The following PLEKHA7 variants were observed in gnomAD, a reference collection of about 807,000 sequenced individuals.
The protein encoded by PLEKHA7 is pleckstrin homology domain containing A7, also known as pleckstrin homology domain-containing family A member 7.
Under a neutral mutation model 170.0 loss-of-function variants are expected in PLEKHA7, and 104 were observed. The observed-to-expected ratio is 0.61, with a 90% CI of 0.52 to 0.72. The LOEUF is 0.72. Among genes scored for constraint, PLEKHA7 ranks in the 30% least tolerant of loss-of-function variants. The pLI, the probability that PLEKHA7 is intolerant of heterozygous loss-of-function variation, is 0.00. For synonymous variants in PLEKHA7, 648 were observed against 660.8 expected (o/e 0.98, Z 0.30); for missense variants, 1,615 against 1,671.7 (o/e 0.97, Z 0.59).
At chr11:16,932,817 G>A (rs760423162) in intron 3 of PLEKHA7, among the ~76,000 whole-genome samples, 1 of 152,200 alleles carries the variant, frequency 6.6e-6, no homozygotes, top group Non-Finnish European at 1.5e-5. Context: ...TAAGACCCAG[G>A]GGAAGAGCTG....
At chr11:16,837,902 G>T (rs1851642648) in intron 9 of PLEKHA7, among the ~76,000 whole-genome samples, 1 of 152,176 alleles carries the variant, frequency 6.6e-6, no homozygotes, top group African/African-American at 2.4e-5. Context: ...TGAGCTCCAG[G>T]CCCAACTATC....
chr11:16,969,535 A>G (rs1862583393), intron 3 of PLEKHA7, among the ~76,000 whole-genome samples: 1 of 152,132 alleles, frequency 6.6e-6, no homozygotes, highest in Admixed American at 6.5e-5. Context: ...AATATGATGG[A>G]CATGCATTGC....
intron 3 of PLEKHA7, among the ~76,000 whole-genome samples, chr11:16,925,635 C>T (rs562650487): frequency 4.9e-4 from 74 of 152,304 alleles, no homozygotes; most frequent in African/African-American, 1.8e-3. Context: ...CCCGGGCGGG[C>T]CACCGGTCAG....
intron 9 of PLEKHA7, among the ~76,000 whole-genome samples, chr11:16,839,068 C>T (rs559268569): frequency 1.3e-5 from 2 of 152,258 alleles, no homozygotes; most frequent in Non-Finnish European, 2.9e-5. Flanking sequence ...ATCTGAAAGA[C>T]TCACACATGC....
chr11:16,892,440 T>TGTGTGTGTGTGTGTGTG (rs749414406), intron 3 of PLEKHA7, among the ~76,000 whole-genome samples: 44 of 102,514 alleles, frequency 4.3e-4, no homozygotes, highest in Non-Finnish European at 5.7e-4. Flanking sequence ...GTGTGTTTTG[T>TGTGTGTGTGTGTGTGTG]TTTGTTTTGT....
intron 9 of PLEKHA7, among the ~76,000 whole-genome samples, chr11:16,832,056 A>T (rs1285049479): frequency 6.6e-6 from 1 of 152,184 alleles, no homozygotes; most frequent in Non-Finnish European, 1.5e-5. Flanking sequence ...AGCTTAGCTA[A>T]CCCTTCTCTT....
intron 3 of PLEKHA7, among the ~76,000 whole-genome samples, chr11:16,987,025 A>G (rs1344732525): frequency 6.6e-6 from 1 of 152,204 alleles, no homozygotes; most frequent in Non-Finnish European, 1.5e-5. Flanking sequence ...GCGGAGAGGA[A>G]GCAGTGAGCT....
chr11:16,841,389 C>A (rs430211), intron 9 of PLEKHA7, among the ~76,000 whole-genome samples, 158 bp downstream of exon 9: 14,634 of 152,134 alleles, frequency 0.096, 811 homozygotes, highest in East Asian at 0.16. Context: ...TTCACCCTTC[C>A]AGGCCTTAGT....
intron 3 of PLEKHA7, among the ~76,000 whole-genome samples, chr11:16,891,526 T>C (rs1326627092): frequency 6.6e-6 from 1 of 152,222 alleles, no homozygotes; most frequent in Non-Finnish European, 1.5e-5. Flanking sequence ...TAATTTGTTA[T>C]AGCAGCCACA....
At chr11:17,011,106 G>C (rs562426502) in intron 3 of PLEKHA7, among the ~76,000 whole-genome samples, 1 of 152,220 alleles carries the variant, frequency 6.6e-6, no homozygotes. Flanking sequence ...GGAAGAGTCA[G>C]CAAAGGTGTG....
chr11:16,801,225 A>G, intron 16 of PLEKHA7, 150 bp from the exon 17 acceptor site: 5 of 702,614 alleles, frequency 7.1e-6, no homozygotes, highest in Non-Finnish European at 1.3e-5. Context: ...GAGGAGCAGG[A>G]AAGAGCGTGG....
rs78500033 is a variant in PLEKHA7 at position 16,826,426 on chromosome 11, C to T, written c.1037G>A (p.Arg346His). 1.4e-4 allele frequency: 226 copies of T among 1,614,234 alleles called. No homozygotes were observed. In the East Asian group the frequency reaches 3.1e-3, roughly 22 times the overall value. The change falls in exon 10 of 27, where the codon CGT becomes CAT. Residue 346 changes from arginine to histidine, a missense_variant. Physicochemically the swap from Arg to His is conservative, Grantham distance 29. Coordinates refer to ENST00000531066, the MANE Select transcript of PLEKHA7 (RefSeq NM_001329630.2). ...GCCCTCCAGTGGGTCCCTCTGGGAA[C>T]GGTACTGCTCTCCCTCCTGCTCCTG... is the stretch of plus-strand genomic sequence containing the variant. ...ERQEQEGEQY[R>H]SQRDPLEGKR...
chr11:16,973,831 G>A (rs1013879317), intron 3 of PLEKHA7, among the ~76,000 whole-genome samples: 2 of 151,966 alleles, frequency 1.3e-5, no homozygotes, highest in Non-Finnish European at 2.9e-5. Flanking sequence ...AACATGAAAG[G>A]CCCTGTTCAG....
At chr11:16,792,026 G>A (rs1029438629) in intron 19 of PLEKHA7, among the ~76,000 whole-genome samples, 5 of 152,144 alleles carry the variant, frequency 3.3e-5, no homozygotes, top group Non-Finnish European at 7.4e-5. Flanking sequence ...GCAGAGTTCA[G>A]GAAAGGGCAC....
intron 3 of PLEKHA7, among the ~76,000 whole-genome samples, chr11:16,959,066 G>A (rs978905569): frequency 2.6e-5 from 4 of 152,254 alleles, no homozygotes; most frequent in Admixed American, 6.5e-5. Flanking sequence ...CACCACTGTT[G>A]TTTCGTTTTT....
intron 11 of PLEKHA7, 28 bp from the exon 12 acceptor site, chr11:16,816,292 C>A (rs758031113): frequency 5.1e-6 from 8 of 1,570,118 alleles, no homozygotes; most frequent in Non-Finnish European, 7.0e-6. Context: ...AGAAGTCACA[C>A]TGGAGCCCAA....
chr11:16,990,791 A>G (rs1398049723), intron 3 of PLEKHA7, among the ~76,000 whole-genome samples: 3 of 152,174 alleles, frequency 2.0e-5, no homozygotes, highest in Non-Finnish European at 4.4e-5. Context: ...CTGGTCTATC[A>G]CATCCCAGAG....
rs1053757222 is a variant in PLEKHA7 at position 16,791,198 on chromosome 11, T to C, written c.2747A>G (p.Glu916Gly). 1.3e-6 allele frequency: 2 copies of C among 1,586,404 alleles called. No homozygotes were observed. Among genetic ancestry groups the C allele is most frequent in the Non-Finnish European group, 1.7e-6 (2 of 1,165,256 alleles). ...QSPTKAKPKV[E>G]DEAPPRPPLP... The stretch of plus-strand genomic sequence containing the variant: ...TGGGGGCCTGGGAGGTGCTTCATCT[T>C]CCTGCTGAGAAAGAGAACCAGACCA... Residue 916 changes from glutamate (E) to glycine (G), a missense_variant and splice_region_variant, in exon 20 of 27, where the codon GAA (glutamate) becomes GGA (glycine). Coordinates refer to ENST00000531066, the MANE Select transcript of PLEKHA7 (RefSeq NM_001329630.2). The surrounding 1 kb of genome is among the most constrained non-coding windows in gnomAD (Gnocchi z 4.5).
intron 4 of PLEKHA7, among the ~76,000 whole-genome samples, chr11:16,865,554 T>A (rs932717838): frequency 1.3e-5 from 2 of 150,682 alleles, no homozygotes; most frequent in African/African-American, 4.9e-5. Flanking sequence ...TGAAACCCCA[T>A]CTCTACTAAA....
Sources: gnomAD v4.1 joint callset for allele counts (sites outside exome capture counted in the v4.1 genomes callset) on GRCh38, gnomAD v4.1.1 for gene constraint, Gnocchi (gnomAD v3.1) non-coding constraint, MANE v1.5 for transcripts, NCBI Gene and HGNC (gene_info 2026-07-23, HGNC 2026-07-21) for gene names.